The following MYH11 variants were observed in gnomAD, a reference collection of about 807,000 sequenced individuals.
MYH11 encodes myosin heavy chain 11, also known as myosin-11.
In MYH11, 80 loss-of-function variants were observed where a neutral mutation model predicts 246.6. The ratio of observed to expected loss-of-function variants is 0.32; its 90% CI spans 0.27 to 0.39. MYH11 has a LOEUF of 0.39. MYH11 is among the 10% of genes least tolerant of loss of function. MYH11 has a pLI of 1.00. For synonymous variants in MYH11, 1,071 were observed against 1,015.5 expected (o/e 1.05, Z -1.04); for missense variants, 2,158 against 2,546.8 (o/e 0.85, Z 3.29).
intron 11 of MYH11, 57 bp from the exon 12 acceptor site, chr16:15,759,785 A>T (rs1438383897): frequency 6.2e-7 from 1 of 1,604,736 alleles, no homozygotes; most frequent in East Asian, 2.2e-5. Flanking sequence ...TTTTCACATA[A>T]GCCAGGCTGG....
intron 40 of MYH11, among the ~76,000 whole-genome samples, chr16:15,708,614 G>T (rs1398582101): frequency 6.6e-6 from 1 of 152,152 alleles, no homozygotes; most frequent in Non-Finnish European, 1.5e-5. Context: ...CAAGAGATGA[G>T]GTCTATTTGT....
chr16:15,736,663 C>T (rs2041127641), intron 25 of MYH11, among the ~76,000 whole-genome samples: 1 of 152,120 alleles, frequency 6.6e-6, no homozygotes, highest in African/African-American at 2.4e-5. Context: ...ACAAATTGGC[C>T]GACAAAAGAG....
intron 32 of MYH11, 137 bp from the exon 33 acceptor site, chr16:15,721,188 A>G: frequency 9.6e-7 from 1 of 1,037,972 alleles, no homozygotes; most frequent in Non-Finnish European, 1.4e-6. Flanking sequence ...GGGACTCAAG[A>G]TGACCCCTGA....
chr16:15,840,499 A>G (rs2044025281), intron 1 of MYH11, among the ~76,000 whole-genome samples: 1 of 152,198 alleles, frequency 6.6e-6, no homozygotes, highest in African/African-American at 2.4e-5. Context: ...TGGGAAGCTG[A>G]GACAGGAGGA....
chr16:15,830,914 G>A (rs2043719002), intron 2 of MYH11, among the ~76,000 whole-genome samples: 1 of 152,044 alleles, frequency 6.6e-6, no homozygotes, highest in Non-Finnish European at 1.5e-5. Flanking sequence ...GCTTAAGCCT[G>A]TAATCCCAGC....
At chr16:15,731,488 TC>T (rs2040958436) in intron 27 of MYH11, among the ~76,000 whole-genome samples, 1 of 146,694 alleles carries the variant, frequency 6.8e-6, no homozygotes, top group Non-Finnish European at 1.5e-5. Context: ...TTCTATTCAT[TC>T]TTTTTTTTTT....
chr16:15,848,025 A>G (rs1452551576), intron 1 of MYH11, among the ~76,000 whole-genome samples: 1 of 152,050 alleles, frequency 6.6e-6, no homozygotes, highest in African/African-American at 2.4e-5. Context: ...CAAAACACAC[A>G]ACAGGACACT....
chr16:15,805,030 T>C (rs2042977956), intron 3 of MYH11, among the ~76,000 whole-genome samples: 1 of 152,206 alleles, frequency 6.6e-6, no homozygotes, highest in Non-Finnish European at 1.5e-5. Flanking sequence ...CTAATCTGTA[T>C]CTGAAACATC....
rs573782818 is a variant in MYH11, at chr16:15,718,500, C to G, written c.5172-62G>C. The G allele has an allele frequency of 7.0e-5, 107 of 1,532,918 alleles. No homozygotes were observed. The African/African-American group carries it at 1.3e-3, about 19-fold the overall frequency. The allele number at this position is 1,532,918 out of a possible 1,614,324, so 95.0% of individuals were successfully genotyped here. On this transcript the variant is annotated intron_variant, in intron 36 of 40. Coordinates refer to ENST00000300036, the MANE Select transcript of MYH11 (RefSeq NM_002474.3). ...TCCCCCGCCTTAAAAGATGCCCCCTCCTTGGAGTCATGCCTCAGGGGTATT... is the reference window on the plus strand; with the variant it reads ...TCCCCCGCCTTAAAAGATGCCCCCTGCTTGGAGTCATGCCTCAGGGGTATT...
intron 5 of MYH11, chr16:15,784,683 C>G (rs1265922608): frequency 6.2e-7 from 1 of 1,613,818 alleles, no homozygotes. Context: ...CAGGAAAACA[C>G]TCTCAGTTAC....
At chr16:15,825,077 C>T (rs1416050410) in intron 2 of MYH11, among the ~76,000 whole-genome samples, 2 of 152,060 alleles carry the variant, frequency 1.3e-5, no homozygotes, top group Non-Finnish European at 2.9e-5. Context: ...TGAAAATATG[C>T]CTAGTGAAAG....
chr16:15,732,594 C>G lies in MYH11; in HGVS notation c.3621G>C (p.Glu1207Asp), dbSNP rs753448138. 1.2e-6 allele frequency: 2 copies of G among 1,614,256 alleles called. No individual in the cohort carries two copies. The highest frequency in any genetic ancestry group is 1.7e-6 in the Non-Finnish European group (2 of 1,180,054). ...TGAACTGCTCAAGCTGCTCTGTGAG[C>G]TCCTCCACCGCCTGTGCGTGTTTCT... ...MRQKHAQAVE[E>D]LTEQLEQFKR... Residue 1207 changes from glutamate to aspartate, a missense_variant, in exon 27 of 41, where the codon GAG becomes GAC. Glu to Asp is a conservative substitution (Grantham distance 45). This residue lies in a region of MYH11 where 1,013 missense variants were observed against 993.5 expected (regional missense o/e 1.02). Coordinates refer to ENST00000300036, the MANE Select transcript of MYH11 (RefSeq NM_002474.3).
At chr16:15,786,000 T>C in intron 5 of MYH11, 1 of 195,536 alleles carries the variant, frequency 5.1e-6, no homozygotes, top group Non-Finnish European at 1.1e-5. Context: ...CAATCCACAG[T>C]TACTGAATGG....
chr16:15,735,651 T>C, intron 25 of MYH11, 73 bp from the exon 26 acceptor site: 1 of 1,475,414 alleles, frequency 6.8e-7, no homozygotes, highest in Non-Finnish European at 9.5e-7. Context: ...GGCCAAAAAC[T>C]TTTCTGGGAC....
At chr16:15,826,520 T>A in intron 2 of MYH11, among the ~76,000 whole-genome samples, 1 of 150,710 alleles carries the variant, frequency 6.6e-6, no homozygotes. Flanking sequence ...GCCTGGGAGG[T>A]TGAGGTTGCA....
chr16:15,823,835 C>T lies in MYH11; in HGVS notation c.346-424G>A, dbSNP rs548167684. On this transcript the variant is annotated intron_variant, in intron 2 of 40. Transcript: ENST00000300036. ...GAGACATGGGTTTCACTGTGTTGCT[C>T]AGGCTGGTCTCAAATTCCTGGGCTC... Among the ~76,000 whole-genome samples the T allele has an allele frequency of 2.0e-5, 3 of 152,238 alleles. No individual in the cohort carries two copies. The South Asian group carries it at 6.2e-4, about 32-fold the overall frequency.
At chr16:15,763,513 C>A (rs1239377364) in intron 10 of MYH11, among the ~76,000 whole-genome samples, 2 of 151,790 alleles carry the variant, frequency 1.3e-5, no homozygotes, top group African/African-American at 2.4e-5. Context: ...CACAGCGAGA[C>A]CTCGTCTCTA....
chr16:15,721,192 C>T, intron 32 of MYH11, 141 bp from the exon 33 acceptor site: 3 of 1,019,800 alleles, frequency 2.9e-6, no homozygotes, highest in South Asian at 1.4e-5. Context: ...CTCAAGATGA[C>T]CCCTGAGAGT....
Position 15,724,293 on chromosome 16 carries a change from C to G in MYH11, c.4233G>C (p.Lys1411Asn). 6.2e-7 allele frequency: 1 copy of G among 1,614,194 alleles called. No homozygotes were observed. The highest frequency in any genetic ancestry group is 2.2e-5 in the East Asian group (1 of 44,880). The stretch of plus-strand genomic sequence containing the variant: ...TTTCCAGTTTATCATAAGCGGCCGC[C>G]TTCTCCTCGTACTGCTGGGTGAGGT... ...IENLTQQYEE[K>N]AAAYDKLEKT... Residue 1411 changes from lysine (K) to asparagine (N), a missense_variant, in exon 31 of 41, where the codon AAG (lysine) becomes AAC (asparagine). By Grantham distance (94) the Lys-to-Asn change is moderately conservative. Transcript: ENST00000300036.
Sources: gnomAD v4.1 joint callset for allele counts (sites outside exome capture counted in the v4.1 genomes callset) on GRCh38, gnomAD v4.1.1 for gene constraint, gnomAD v4.1.1 regional missense constraint, MANE v1.5 for transcripts, NCBI Gene and HGNC (gene_info 2026-07-23, HGNC 2026-07-21) for gene names.